Variants in NBAS observed in about 807,000 individuals in gnomAD.
NBAS encodes NBAS subunit of NRZ tethering complex.
In NBAS, 219 loss-of-function variants were observed where a neutral mutation model predicts 302.5. That is an observed-to-expected ratio of 0.72 (90% CI 0.65 to 0.81). The LOEUF is 0.81. Ranked by LOEUF, NBAS falls within the 30% of genes least tolerant of loss-of-function variation. The pLI is 0.00. For missense variants in NBAS, 2,932 were observed against 2,841.6 expected, an observed-to-expected ratio of 1.03 and a Z score of -0.72; for synonymous variants, 1,118 against 1,021.6, an observed-to-expected ratio of 1.09 and a Z score of -1.80.
intron 40 of NBAS, among the ~76,000 whole-genome samples, chr2:15,307,737 G>C (rs1671091421): frequency 6.6e-6 from 1 of 152,040 alleles, no homozygotes; most frequent in African/African-American, 2.4e-5. Flanking sequence ...AGCTGTCTGA[G>C]GTTTTTGGCA....
At chr2:15,268,259 C>G (rs557084202) in intron 44 of NBAS, among the ~76,000 whole-genome samples, 1 of 152,302 alleles carries the variant, frequency 6.6e-6, no homozygotes, top group South Asian at 2.1e-4. Flanking sequence ...AATTGATACA[C>G]TCTTCTGGTA....
chr2:14,892,434 C>T, the NBAS span, among the ~76,000 whole-genome samples: 1 of 152,328 alleles, frequency 6.6e-6, no homozygotes. Context: ...CCACGTAGGA[C>T]ACCTGAGTTC....
the NBAS span, among the ~76,000 whole-genome samples, chr2:15,025,703 G>A: frequency 6.6e-6 from 1 of 151,692 alleles, no homozygotes; most frequent in South Asian, 2.1e-4. Flanking sequence ...GTATTCCCAG[G>A]TATTTTACTC....
At chr2:15,516,784 T>C (rs1662413267) in intron 9 of NBAS, among the ~76,000 whole-genome samples, 1 of 150,110 alleles carries the variant, frequency 6.7e-6, no homozygotes, top group Non-Finnish European at 1.5e-5. Context: ...ACTAACAAAG[T>C]ATTAGTAGGC....
chr2:15,403,637 AT>A (rs1326889273), intron 25 of NBAS, among the ~76,000 whole-genome samples: 4 of 152,090 alleles, frequency 2.6e-5, no homozygotes, highest in African/African-American at 9.7e-5. Flanking sequence ...GCATCCATGG[AT>A]TTTGGTAGCC....
intron 16 of NBAS, among the ~76,000 whole-genome samples, chr2:15,471,064 ACTGT>A (rs1316594587): frequency 3.3e-5 from 5 of 152,198 alleles, no homozygotes; most frequent in Admixed American, 6.5e-5. Context: ...CTTGCTCTTA[ACTGT>A]CTATTTAACT....
the NBAS span, among the ~76,000 whole-genome samples, chr2:15,003,051 C>G: frequency 5.3e-5 from 8 of 152,344 alleles, no homozygotes; most frequent in East Asian, 1.5e-3. Flanking sequence ...GAGAAGGCGC[C>G]GAGAGCGAGC....
chr2:14,908,634 AG>A, the NBAS span, among the ~76,000 whole-genome samples: 1 of 152,192 alleles, frequency 6.6e-6, no homozygotes, highest in Admixed American at 6.5e-5. Context: ...TACAAAGAAA[AG>A]GAGCATGTGA....
the NBAS span, among the ~76,000 whole-genome samples, chr2:14,991,046 G>A: frequency 6.6e-6 from 1 of 152,144 alleles, no homozygotes; most frequent in Non-Finnish European, 1.5e-5. Flanking sequence ...AGGAGGTGGT[G>A]TCTTCATCCA....
intron 47 of NBAS, among the ~76,000 whole-genome samples, chr2:15,226,796 T>C (rs1667168403): frequency 6.6e-6 from 1 of 152,226 alleles, no homozygotes; most frequent in Non-Finnish European, 1.5e-5. Context: ...CAAATGATTC[T>C]AACACTTTTT....
the NBAS span, among the ~76,000 whole-genome samples, chr2:14,877,820 T>G: frequency 1.3e-5 from 2 of 152,288 alleles, no homozygotes; most frequent in East Asian, 3.9e-4. Context: ...AGCCGCAAGA[T>G]ATGAGACTCT....
intron 10 of NBAS, among the ~76,000 whole-genome samples, chr2:15,505,376 T>C (rs1661795356): frequency 6.6e-6 from 1 of 152,108 alleles, no homozygotes; most frequent in Admixed American, 6.5e-5. Flanking sequence ...GGAAGGGACC[T>C]AAGTGTGGGC....
intron 32 of NBAS, among the ~76,000 whole-genome samples, chr2:15,366,236 A>G (rs1046854653): frequency 6.6e-6 from 1 of 152,226 alleles, no homozygotes; most frequent in African/African-American, 2.4e-5. Context: ...AAATGGTAAC[A>G]CTGACTTCTG....
chr2:15,470,866 C>T (rs11680376), intron 16 of NBAS, among the ~76,000 whole-genome samples: 3,423 of 152,092 alleles, frequency 0.023, 63 homozygotes, highest in Non-Finnish European at 0.037. Context: ...GAGGCTGAGG[C>T]GGGAGAATCA....
chr2:15,164,097 C>T (rs943531006), downstream of NBAS, among the ~76,000 whole-genome samples: 12 of 152,142 alleles, frequency 7.9e-5, no homozygotes, highest in Admixed American at 3.9e-4. Flanking sequence ...ATGCCCGGCC[C>T]GGTACTAAAA....
the NBAS span, among the ~76,000 whole-genome samples, chr2:14,812,816 C>T: frequency 6.6e-6 from 1 of 151,976 alleles, no homozygotes; most frequent in Non-Finnish European, 1.5e-5. Context: ...GTGTCTGCAC[C>T]CAAATCGCGT....
At chr2:14,784,475 A>G in the NBAS span, among the ~76,000 whole-genome samples, 5 of 152,164 alleles carry the variant, frequency 3.3e-5, no homozygotes, top group Admixed American at 6.6e-5. Context: ...TCTTTAATCC[A>G]TCTTGAATTA....
At chr2:15,088,446 G>T in the NBAS span, among the ~76,000 whole-genome samples, 416 of 152,270 alleles carry the variant, frequency 2.7e-3, 1 homozygote, top group Admixed American at 5.6e-3. Context: ...AATGACCCTT[G>T]AAAGTGGAGA....
chr2:15,307,746 C>T (rs2148156922), intron 40 of NBAS, among the ~76,000 whole-genome samples: 1 of 151,988 alleles, frequency 6.6e-6, no homozygotes, highest in South Asian at 2.1e-4. Context: ...AGGTTTTTGG[C>T]AAGTATGAAT....
Sources: allele counts gnomAD v4.1 joint callset (sites outside exome capture counted in the v4.1 genomes callset), GRCh38; gene constraint gnomAD v4.1.1; transcripts MANE v1.5; gene names NCBI Gene and HGNC (gene_info 2026-07-23, HGNC 2026-07-21).